Variants in LYST observed in about 807,000 individuals in gnomAD.
LYST encodes lysosomal trafficking regulator, also known as lysosomal-trafficking regulator.
A neutral mutation model predicts 413.6 loss-of-function variants in LYST; 192 were observed. The observed-to-expected ratio is 0.46, with a 90% confidence interval of 0.41 to 0.52. The LOEUF (loss-of-function observed/expected upper bound fraction) is 0.52, where lower values mean the gene tolerates loss of function less well. Among genes scored for constraint, LYST ranks in the 20% least tolerant of loss-of-function variants. The probability of loss-of-function intolerance (pLI) is 0.00; values close to 1 mark genes in which losing one functional copy is unlikely to be tolerated. For missense variants in LYST, 3,815 were observed against 4,499.9 expected, an observed-to-expected ratio of 0.85 and a Z score of 4.35; for synonymous variants, 1,525 against 1,567.3, an observed-to-expected ratio of 0.97 and a Z score of 0.64.
chr1:235,762,791 C>T lies in LYST; in HGVS notation c.6182G>A (p.Gly2061Glu), dbSNP rs1355258681. Residue 2061 changes from glycine (G) to glutamate (E), a missense_variant, in exon 22 of 53, where the codon GGA (glycine) becomes GAA (glutamate). By Grantham distance (98) the Gly-to-Glu change is moderately conservative. Around this residue, in one of 4 missense-constraint regions of LYST, gnomAD observed 530 missense variants for 696.5 expected, o/e 0.76. Coordinates refer to ENST00000389793, the MANE Select transcript of LYST (RefSeq NM_000081.4). ...SIMYLRHSSSGGRSLMSPGFM... is the reference protein window; with the variant it reads ...SIMYLRHSSSEGRSLMSPGFM... ...TCCAGGGCTCATAAGGGACCTTCCT[C>T]CACTGCTGGAATGCCTCAGGTACAT... 1.2e-6 allele frequency: 2 copies of T among 1,612,728 alleles called. No individual in the cohort carries two copies. Among genetic ancestry groups the T allele is most frequent in the African/African-American group, 2.7e-5 (2 of 74,860 alleles).
chr1:235,875,495 G>C (rs1490616368), intron 1 of LYST, among the ~76,000 whole-genome samples: 1 of 152,124 alleles, frequency 6.6e-6, no homozygotes, highest in Non-Finnish European at 1.5e-5. Context: ...GGCTGGTGGA[G>C]AGTCTGTTTT....
Position 235,800,357 on chromosome 1 carries a change from G to C in LYST, c.3969C>G (p.Phe1323Leu), listed in dbSNP as rs1672074676. ...AATCATCCTGTGTTAAAATACTCAA[G>C]AACCCTCCTAAAAGATTTTTCACAG... Reference protein sequence around the residue: ...QGTVKNLLGGFLSILTQDDSD... With the variant: ...QGTVKNLLGGLLSILTQDDSD... Residue 1323 changes from phenylalanine to leucine, a missense_variant, in exon 10 of 53, where the codon TTC (phenylalanine) becomes TTG (leucine). By Grantham distance (22) the Phe-to-Leu change is conservative. Transcript: ENST00000389793. The C allele has an allele frequency of 1.3e-6, 2 of 1,594,790 alleles. No homozygotes were observed. Among genetic ancestry groups the C allele is most frequent in the Non-Finnish European group, 8.6e-7 (1 of 1,162,852 alleles).
At chr1:235,869,471 C>CAA (rs113943265), upstream of LYST, among the ~76,000 whole-genome samples, 12 of 145,478 alleles carry the variant, frequency 8.2e-5, no homozygotes, top group African/African-American at 2.8e-4. Flanking sequence ...GACTCCGTCT[C>CAA]AAAAAAAAAA....
At chr1:235,690,428 T>C (rs912741843) in intron 47 of LYST, among the ~76,000 whole-genome samples, 1 of 152,242 alleles carries the variant, frequency 6.6e-6, no homozygotes, top group Non-Finnish European at 1.5e-5. Context: ...CCATGATTTA[T>C]GGTTATAACT....
chr1:235,801,857 C>A (rs1254205533), intron 8 of LYST, among the ~76,000 whole-genome samples: 2 of 151,994 alleles, frequency 1.3e-5, no homozygotes, highest in Non-Finnish European at 2.9e-5. Flanking sequence ...TAGATGAGAG[C>A]GAGAAAACTG....
chr1:235,804,483 A>G (rs781167330), intron 7 of LYST, 21 bp downstream of exon 7: 13 of 1,602,946 alleles, frequency 8.1e-6, no homozygotes, highest in African/African-American at 1.3e-5. Flanking sequence ...AAAGAACACA[A>G]CTATATGTTG....
At chr1:235,718,209 C>T (rs1280752108) in intron 40 of LYST, among the ~76,000 whole-genome samples, 2 of 149,052 alleles carry the variant, frequency 1.3e-5, no homozygotes, top group East Asian at 3.9e-4. Flanking sequence ...TTTTTTTGGA[C>T]ACAAGCTATG....
Position 235,788,863 on chromosome 1 carries a change from T to A in LYST, c.4544-18A>T, listed in dbSNP as rs1189044585. 1.2e-6 allele frequency: 2 copies of A among 1,612,026 alleles called. No individual in the cohort carries two copies. The highest frequency in any genetic ancestry group is 2.2e-5 in the East Asian group (1 of 44,782). On this transcript the variant is annotated intron_variant, in intron 12 of 52. Transcript: ENST00000389793. ...GTCGCTCTCTATAAGAAAAAGATGT[T>A]AGAATGATCAGTAAAATGGTTCGTA... is the stretch of plus-strand genomic sequence containing the variant.
At chr1:235,693,035 G>C (rs572143539) in intron 47 of LYST, among the ~76,000 whole-genome samples, 2 of 149,832 alleles carry the variant, frequency 1.3e-5, no homozygotes, top group Admixed American at 1.3e-4. Flanking sequence ...AAAAAAGTTG[G>C]CCAGGTGTGG....
At chr1:235,722,168 A>C (rs1269166377) in intron 39 of LYST, among the ~76,000 whole-genome samples, 1 of 152,248 alleles carries the variant, frequency 6.6e-6, no homozygotes, top group Non-Finnish European at 1.5e-5. Flanking sequence ...TGGATGGAGT[A>C]GACAGAGCGA....
intron 48 of LYST, among the ~76,000 whole-genome samples, chr1:235,680,441 T>G (rs943986428): frequency 3.5e-4 from 54 of 152,218 alleles, no homozygotes; most frequent in Non-Finnish European, 6.5e-4. Context: ...TTTTTTTTTT[T>G]TGTGGAGATA....
intron 46 of LYST, among the ~76,000 whole-genome samples, chr1:235,694,400 T>C (rs2103078395): frequency 6.6e-6 from 1 of 152,316 alleles, no homozygotes; most frequent in East Asian, 1.9e-4. Flanking sequence ...CTATTAATTA[T>C]CTATGCTTTG....
chr1:235,733,892 A>T lies in LYST; in HGVS notation c.8550T>A (p.Tyr2850Ter), dbSNP rs770686007. ...CTTTATTCACTCCTTCTTCAGTTTC[A>T]TATTTCTTTTGTTCCTAGAAGATTT... The part of the protein sequence containing the change: ...IKMIKEEQKK[Y>*]ETEEGVNKAA... Residue 2850 changes from tyrosine to a stop codon, truncating the protein, a stop_gained, in exon 33 of 53, where the codon TAT becomes TAA. Transcript: ENST00000389793. LOFTEE classifies it high-confidence loss of function. The T allele has an allele frequency of 1.9e-6, 3 of 1,578,260 alleles. No homozygotes were observed. Among genetic ancestry groups the T allele is most frequent in the Non-Finnish European group, 1.7e-6 (2 of 1,148,192 alleles).
At position 235,674,338 on chromosome 1, in the gene LYST, C is replaced by T. The variant is rs1229868554; in HGVS notation, c.11038+2753G>A. 6.6e-6 allele frequency among the ~76,000 whole-genome samples: 1 copy of T among 151,924 alleles called. No individual in the cohort carries two copies. The highest frequency in any genetic ancestry group is 2.4e-5 in the African/African-American group (1 of 41,416). On this transcript the variant is annotated intron_variant, in intron 50 of 52. Transcript: ENST00000389793. This position sits in a 1 kb window ranked among gnomAD's most constrained non-coding sequence, Gnocchi z 4.1. ...CCAAGCAAGTGGAGTGGCATTTGCGCTCTAATCCAATTAGCCATCCCTTTC... is the reference window on the plus strand; with the variant it reads ...CCAAGCAAGTGGAGTGGCATTTGCGTTCTAATCCAATTAGCCATCCCTTTC...
chr1:235,744,989 A>G (rs1665776804), intron 29 of LYST, among the ~76,000 whole-genome samples: 1 of 152,056 alleles, frequency 6.6e-6, no homozygotes, highest in South Asian at 2.1e-4. Context: ...AGTCATTAAC[A>G]ATTACTGTTT....
In LYST at chr1:235,662,649, C is replaced by G. The variant is rs889206347; in HGVS notation, c.*291G>C. The G allele has an allele frequency of 4.9e-6, 2 of 408,512 alleles. No homozygotes were observed. The highest frequency in any genetic ancestry group is 9.1e-6 in the Non-Finnish European group (2 of 219,014). 25.3% of individuals were successfully genotyped at this position (408,512 alleles called of 1,614,324 possible). ...GACCTTAATATTTTCTTTGGAATAC[C>G]TTGGTGGGAAAAAATTTTAAGAATA... On this transcript the variant is annotated 3_prime_UTR_variant, in exon 53 of 53. Coordinates refer to ENST00000389793, the MANE Select transcript of LYST (RefSeq NM_000081.4).
intron 48 of LYST, among the ~76,000 whole-genome samples, chr1:235,683,307 T>A (rs1659969578): frequency 1.3e-5 from 2 of 152,264 alleles, no homozygotes; most frequent in African/African-American, 4.8e-5. Context: ...TTGTATAAGC[T>A]GCACACATAT....
At chr1:235,750,203 T>C (rs1449996137) in intron 28 of LYST, among the ~76,000 whole-genome samples, 1 of 152,150 alleles carries the variant, frequency 6.6e-6, no homozygotes, top group East Asian at 1.9e-4. Context: ...AAAAGAGATG[T>C]ACAACTGGGA....
chr1:235,678,956 T>C (rs1236483675), intron 48 of LYST, among the ~76,000 whole-genome samples: 2 of 152,236 alleles, frequency 1.3e-5, no homozygotes, highest in African/African-American at 4.8e-5. Flanking sequence ...GAAATATATC[T>C]GTGTTGATAT....
Sources: allele counts gnomAD v4.1 joint callset (sites outside exome capture counted in the v4.1 genomes callset), GRCh38; gene constraint gnomAD v4.1.1; regional missense constraint gnomAD v4.1.1; non-coding constraint Gnocchi (gnomAD v3.1); transcripts MANE v1.5; gene names NCBI Gene and HGNC (gene_info 2026-07-23, HGNC 2026-07-21).